AXIN1: variants seen among roughly 807,000 people sequenced by gnomAD.
AXIN1 encodes the protein axin 1.
A neutral mutation model predicts 76.4 loss-of-function variants in AXIN1; 30 were observed. That is an observed-to-expected ratio of 0.39 (90% CI 0.29 to 0.53). AXIN1 has a LOEUF of 0.53. AXIN1 is among the 20% of genes least tolerant of loss of function. The pLI, the probability that AXIN1 is intolerant of heterozygous loss-of-function variation, is 0.66. For missense variants in AXIN1, 1,140 were observed against 1,198.8 expected, an observed-to-expected ratio of 0.95 and a Z score of 0.72; for synonymous variants, 545 against 501.4, an observed-to-expected ratio of 1.09 and a Z score of -1.16.
intron 2 of AXIN1, among the ~76,000 whole-genome samples, chr16:334,538 C>A (rs554254768): frequency 6.7e-6 from 1 of 149,356 alleles, no homozygotes; most frequent in Admixed American, 6.6e-5. Flanking sequence ...CCCAGTACCA[C>A]AGCATGCCAA....
intron 2 of AXIN1, among the ~76,000 whole-genome samples, chr16:323,450 A>G (rs1010762894): frequency 1.2e-4 from 18 of 150,212 alleles, no homozygotes; most frequent in Non-Finnish European, 2.1e-4. Context: ...AAAAAAAAAA[A>G]AAAGAAAGAA....
chr16:314,416 GCCA>G, intron 3 of AXIN1, 124 bp downstream of exon 3: 2 of 1,444,840 alleles, frequency 1.4e-6, no homozygotes, highest in Non-Finnish European at 9.5e-7. Context: ...CTTACACGCT[GCCA>G]TCCGCAAGAA....
intron 1 of AXIN1, 138 bp downstream of exon 1, chr16:352,231 G>A (rs1043932334): frequency 2.9e-5 from 13 of 455,196 alleles, no homozygotes; most frequent in Non-Finnish European, 3.8e-5. Flanking sequence ...GCTGCCCAGG[G>A]ACACCCCGGC....
intron 3 of AXIN1, among the ~76,000 whole-genome samples, chr16:314,016 C>T (rs1468570384): frequency 2.6e-5 from 4 of 152,232 alleles, no homozygotes; most frequent in Admixed American, 6.5e-5. Context: ...TCGGCAGAAA[C>T]GCCACCCTCA....
chr16:317,336 C>T (rs961807002), intron 2 of AXIN1, among the ~76,000 whole-genome samples: 3 of 152,166 alleles, frequency 2.0e-5, no homozygotes, highest in East Asian at 3.9e-4. Context: ...TGGAGGGTAT[C>T]GCATGGGGCC....
intron 5 of AXIN1, among the ~76,000 whole-genome samples, chr16:301,306 A>AC (rs1294807827): frequency 1.3e-5 from 2 of 151,842 alleles, no homozygotes; most frequent in African/African-American, 4.8e-5. Flanking sequence ...AAAAAAAAAA[A>AC]AACTGGAGTT....
chr16:332,071 C>A (rs1349550588), intron 2 of AXIN1, among the ~76,000 whole-genome samples: 1 of 152,134 alleles, frequency 6.6e-6, no homozygotes, highest in East Asian at 1.9e-4. Flanking sequence ...CGCGGATGGC[C>A]TGACGCCTGA....
intron 3 of AXIN1, 123 bp from the exon 4 acceptor site, chr16:310,192 C>T (rs763891787): frequency 4.1e-5 from 33 of 809,466 alleles, no homozygotes; most frequent in Non-Finnish European, 5.6e-5. Context: ...TGTGAGCCAC[C>T]ACCACTGAGA....
At chr16:351,301 G>C (rs898473222) in intron 1 of AXIN1, among the ~76,000 whole-genome samples, 10 of 151,712 alleles carry the variant, frequency 6.6e-5, no homozygotes, top group Non-Finnish European at 1.2e-4. Context: ...ATGCACATAA[G>C]AACCCTTTAT....
intron 1 of AXIN1, among the ~76,000 whole-genome samples, chr16:350,676 T>C (rs909067749): frequency 6.6e-6 from 1 of 152,226 alleles, no homozygotes; most frequent in African/African-American, 2.4e-5. Context: ...ATGTAATTTA[T>C]TCCCCCATCA....
At chr16:318,215 C>G (rs968957510) in intron 2 of AXIN1, among the ~76,000 whole-genome samples, 7 of 152,236 alleles carry the variant, frequency 4.6e-5, no homozygotes, top group Admixed American at 3.9e-4. Flanking sequence ...AAATCCTTCT[C>G]CCACTCTGAC....
chr16:330,186 T>G (rs951918517), intron 2 of AXIN1, among the ~76,000 whole-genome samples: 7 of 151,616 alleles, frequency 4.6e-5, no homozygotes, highest in Non-Finnish European at 8.8e-5. Context: ...TCAGCCTCCC[T>G]AGTGGCTGGA....
chr16:296,986 A>G lies in AXIN1; in HGVS notation c.1955+70T>C, dbSNP rs1468754756. The G allele has an allele frequency of 1.2e-5, 18 of 1,544,134 alleles. 1 individual carries two copies. Among genetic ancestry groups the G allele is most frequent in the African/African-American group, 5.4e-5 (4 of 73,798 alleles). On this transcript the variant is annotated intron_variant, in intron 7 of 10. Transcript: ENST00000262320. The stretch of plus-strand genomic sequence containing the variant: ...CGCCACACACACTGAAGCTGCACAC[A>G]CTGAGACTGTGCGGAGGCCAGGGGT...
chr16:334,151 C>A (rs1449662149), intron 2 of AXIN1, among the ~76,000 whole-genome samples: 1 of 150,226 alleles, frequency 6.7e-6, no homozygotes, highest in African/African-American at 2.5e-5. Flanking sequence ...ATGCCAATAA[C>A]ACAGCACCCA....
At chr16:331,814 G>A (rs932636938) in intron 2 of AXIN1, among the ~76,000 whole-genome samples, 1 of 152,102 alleles carries the variant, frequency 6.6e-6, no homozygotes, top group African/African-American at 2.4e-5. Context: ...ACTGCATGAG[G>A]GGCCCTCACG....
At position 293,540 on chromosome 16, in the gene AXIN1, G is replaced by A. The variant is rs2141485299; in HGVS notation, c.2134C>T (p.Arg712Ter). Residue 712 changes from arginine (R) to a stop codon, truncating the protein, a stop_gained, in exon 8 of 11, where the codon CGA becomes TGA. Coordinates refer to ENST00000262320, the MANE Select transcript of AXIN1 (RefSeq NM_003502.4). LOFTEE classifies it high-confidence loss of function. The surrounding 1 kb of genome is among the most constrained non-coding windows in gnomAD (Gnocchi z 4.6). ...NPLTQLEEAR[R>*]RLEEEEKRAS... The stretch of plus-strand genomic sequence containing the variant: ...CTCTTTTCTTCCTCCTCCAGACGTC[G>A]GCGCGCCTCCTCCAGCTGGGTTAGG... The A allele has an allele frequency of 1.2e-6, 2 of 1,611,330 alleles. No individual in the cohort carries two copies. The highest frequency in any genetic ancestry group is 1.7e-6 in the Non-Finnish European group (2 of 1,179,980).
intron 5 of AXIN1, 103 bp from the exon 6 acceptor site, chr16:298,354 C>T (rs887488904): frequency 4.7e-6 from 7 of 1,501,832 alleles, no homozygotes; most frequent in South Asian, 1.2e-5. Flanking sequence ...AGATGCCGTC[C>T]CAGCCCAGGG....
At chr16:335,957 AG>A (rs1170617749) in intron 2 of AXIN1, among the ~76,000 whole-genome samples, 2 of 152,264 alleles carry the variant, frequency 1.3e-5, no homozygotes, top group East Asian at 3.8e-4. Context: ...GAAAATGGCC[AG>A]GCGTGGTGGC....
Position 297,169 on chromosome 16 carries a change from G to A in AXIN1, c.1842C>T (p.Ser614=), listed in dbSNP as rs758547828. ...AGGCACCTGGCACCTCGGTGCTGGC[G>A]CTCTTCCCCGACTCAGCCTTCTTGG... is the stretch of plus-strand genomic sequence containing the variant. ...RNAKKAESGK[S]ASTEVPGASE... is the part of the protein sequence containing the mutation. Residue 614 remains serine (S), a synonymous_variant, in exon 7 of 11, where the codon AGC becomes AGT. Coordinates refer to ENST00000262320, the MANE Select transcript of AXIN1 (RefSeq NM_003502.4). The A allele has an allele frequency of 5.8e-5, 93 of 1,611,478 alleles. No individual in the cohort carries two copies. In the Admixed American group the frequency reaches 7.0e-4, roughly 12 times the overall value.
Sources: allele counts gnomAD v4.1 joint callset (sites outside exome capture counted in the v4.1 genomes callset), GRCh38; gene constraint gnomAD v4.1.1; non-coding constraint Gnocchi (gnomAD v3.1); transcripts MANE v1.5; gene names NCBI Gene and HGNC (gene_info 2026-07-23, HGNC 2026-07-21).